PDE4D: variants seen among roughly 807,000 people sequenced by gnomAD.
PDE4D encodes 3',5'-cyclic-AMP phosphodiesterase 4D.
PDE4D carries 24 observed loss-of-function variants against 87.4 expected under a neutral mutation model. The observed-to-expected ratio is 0.27, with a 90% CI of 0.20 to 0.39. The LOEUF (loss-of-function observed/expected upper bound fraction) is 0.39. PDE4D is among the 10% of genes least tolerant of loss of function. PDE4D has a pLI of 1.00. For missense variants in PDE4D, 714 were observed against 1,041.0 expected, an observed-to-expected ratio of 0.69 and a Z score of 4.32; for synonymous variants, 384 against 383.2, an observed-to-expected ratio of 1.00 and a Z score of -0.02.
intron 1 of PDE4D, among the ~76,000 whole-genome samples, chr5:59,873,334 T>G (rs1748102356): frequency 6.6e-6 from 1 of 152,208 alleles, no homozygotes. Context: ...GGAATCAGCC[T>G]TTTTTAAGGC....
chr5:59,917,778 T>A (rs904767763), intron 3 of PDE4D, among the ~76,000 whole-genome samples: 2 of 152,214 alleles, frequency 1.3e-5, no homozygotes, highest in African/African-American at 4.8e-5. Context: ...TCAATGCAAC[T>A]TATTTAATCT....
chr5:60,097,265 T>TTGTGTGTGTGTGTG (rs57591657), intron 2 of PDE4D, among the ~76,000 whole-genome samples: 36 of 146,572 alleles, frequency 2.5e-4, no homozygotes, highest in Non-Finnish European at 4.0e-4. Context: ...TGCTATGAAG[T>TTGTGTGTGTGTGTG]TGTGTGTGTG....
chr5:60,442,001 A>G (rs921385562), intron 1 of PDE4D, among the ~76,000 whole-genome samples: 6 of 152,186 alleles, frequency 3.9e-5, no homozygotes, highest in Non-Finnish European at 4.4e-5. Context: ...GGGAGTGTAA[A>G]TTAGTTCAAT....
intron 2 of PDE4D, among the ~76,000 whole-genome samples, chr5:60,056,805 C>T (rs1253007794): frequency 6.6e-6 from 1 of 151,920 alleles, no homozygotes; most frequent in Non-Finnish European, 1.5e-5. Context: ...TACATAAAAG[C>T]CAGCACGTGC....
At chr5:60,015,849 G>A (rs1765453319) in intron 2 of PDE4D, among the ~76,000 whole-genome samples, 1 of 150,986 alleles carries the variant, frequency 6.6e-6, no homozygotes, top group South Asian at 2.1e-4. Context: ...CATCCTGCAC[G>A]TTTTGGACTC....
intron 1 of PDE4D, among the ~76,000 whole-genome samples, chr5:59,454,002 A>T (rs1799538195): frequency 6.6e-6 from 1 of 152,180 alleles, no homozygotes; most frequent in African/African-American, 2.4e-5. Context: ...GCCAATGTTC[A>T]TTTACCAGTC....
intron 1 of PDE4D, among the ~76,000 whole-genome samples, chr5:60,270,234 T>C (rs1199930402): frequency 6.6e-6 from 1 of 152,200 alleles, no homozygotes; most frequent in Admixed American, 6.5e-5. Flanking sequence ...CTGCTTCTTT[T>C]TATCATAACA....
intron 1 of PDE4D, among the ~76,000 whole-genome samples, chr5:60,351,663 C>T (rs1182623311): frequency 1.3e-5 from 2 of 151,996 alleles, no homozygotes; most frequent in Admixed American, 1.3e-4. Context: ...ATAATAAACA[C>T]GTATGTCTGT....
intron 1 of PDE4D, among the ~76,000 whole-genome samples, chr5:59,239,600 A>G (rs1479176543): frequency 6.6e-6 from 1 of 152,182 alleles, no homozygotes; most frequent in Non-Finnish European, 1.5e-5. Flanking sequence ...TGGTGCTAAG[A>G]GAAGTAACTT....
At chr5:59,649,913 T>TC (rs1743149157) in intron 1 of PDE4D, among the ~76,000 whole-genome samples, 1 of 124,068 alleles carries the variant, frequency 8.1e-6, no homozygotes, top group Non-Finnish European at 1.7e-5. Flanking sequence ...ACCTTTTTTT[T>TC]TTTTTTTTTT....
chr5:59,179,333 C>T (rs1383723566), intron 5 of PDE4D, among the ~76,000 whole-genome samples: 1 of 152,074 alleles, frequency 6.6e-6, no homozygotes, highest in African/African-American at 2.4e-5. Flanking sequence ...AACTCCTGGC[C>T]TCAAGTGATC....
intron 2 of PDE4D, among the ~76,000 whole-genome samples, chr5:60,026,164 C>T (rs1009367698): frequency 3.9e-5 from 6 of 152,078 alleles, no homozygotes; most frequent in Non-Finnish European, 7.4e-5. Context: ...GCATTAGTCA[C>T]GAAACAAAGA....
chr5:60,337,374 T>TACACACACACACAC (rs1308199009), intron 1 of PDE4D, among the ~76,000 whole-genome samples: 62 of 118,134 alleles, frequency 5.2e-4, no homozygotes, highest in African/African-American at 1.9e-3. Flanking sequence ...TATATATATA[T>TACACACACACACAC]ATATATATAT....
At chr5:59,458,359 T>C (rs530411055) in intron 1 of PDE4D, among the ~76,000 whole-genome samples, 13 of 152,342 alleles carry the variant, frequency 8.5e-5, no homozygotes, top group Non-Finnish European at 1.8e-4. Context: ...TGACACTAAC[T>C]GCTTAAGATA....
chr5:59,554,081 C>G (rs1818524341), intron 1 of PDE4D, among the ~76,000 whole-genome samples: 1 of 152,088 alleles, frequency 6.6e-6, no homozygotes, highest in South Asian at 2.1e-4. Flanking sequence ...CTCCCATATG[C>G]CAGGCCCCAG....
intron 11 of PDE4D, among the ~76,000 whole-genome samples, chr5:58,982,958 A>G (rs1004271088): frequency 1.3e-5 from 2 of 152,090 alleles, no homozygotes; most frequent in Non-Finnish European, 1.5e-5. Context: ...CTCTTCCCCA[A>G]ATTTCTTTCT....
At chr5:59,782,544 A>C (rs1764739033) in intron 1 of PDE4D, among the ~76,000 whole-genome samples, 1 of 152,170 alleles carries the variant, frequency 6.6e-6, no homozygotes, top group Non-Finnish European at 1.5e-5. Context: ...AGCATGTTTC[A>C]CTATCTCACA....
chr5:59,427,346 T>A (rs1795445019), intron 1 of PDE4D, among the ~76,000 whole-genome samples: 1 of 144,354 alleles, frequency 6.9e-6, no homozygotes, highest in Non-Finnish European at 1.5e-5. Flanking sequence ...CACGCCCCTA[T>A]GCCAAAATAT....
At chr5:59,194,672 C>G (rs1226536688) in intron 2 of PDE4D, among the ~76,000 whole-genome samples, 1 of 152,114 alleles carries the variant, frequency 6.6e-6, no homozygotes, top group Non-Finnish European at 1.5e-5. Flanking sequence ...GTTCCAGAAT[C>G]ATGTTTTTCA....
Sources: gnomAD v4.1 joint callset for allele counts (sites outside exome capture counted in the v4.1 genomes callset) on GRCh38, gnomAD v4.1.1 for gene constraint, MANE v1.5 for transcripts, NCBI Gene and HGNC (gene_info 2026-07-23, HGNC 2026-07-21) for gene names.